The following CSMD3 variants were observed in gnomAD, a reference collection of about 807,000 sequenced individuals.
CSMD3 encodes the protein CUB and sushi domain-containing protein 3.
In CSMD3, 177 loss-of-function variants were observed where a neutral mutation model predicts 435.2. The observed-to-expected ratio is 0.41, with a 90% CI of 0.36 to 0.46. The LOEUF is 0.46. Ranked by LOEUF, CSMD3 falls within the 20% of genes least tolerant of loss-of-function variation. The pLI is 0.34. For synonymous variants in CSMD3, 1,656 were observed against 1,520.5 expected, an observed-to-expected ratio of 1.09 and a Z score of -2.07; for missense variants, 4,265 against 4,504.6, an observed-to-expected ratio of 0.95 and a Z score of 1.52.
rs76806598 is a variant in CSMD3 at position 112,950,864 on chromosome 8, G to A, written c.1421-2987C>T. ...ACTACAATTCAAAACACTTTTCCAA[G>A]CATTTTACCTTAAAATGCAGAGCAT... On this transcript the variant is annotated intron_variant, in intron 8 of 70. Transcript: ENST00000297405. Among the ~76,000 whole-genome samples the A allele has an allele frequency of 6.7e-3, 1,012 of 151,978 alleles. 12 individuals carry two copies. The highest frequency in any genetic ancestry group is 0.023 in the African/African-American group (970 of 41,514).
intron 12 of CSMD3, among the ~76,000 whole-genome samples, chr8:112,806,191 T>C (rs1336639133): frequency 6.6e-6 from 1 of 152,238 alleles, no homozygotes; most frequent in African/African-American, 2.4e-5. Context: ...TCCTTTTATT[T>C]GGTCAGTAGA....
chr8:112,415,351 G>T (rs1026020642), intron 32 of CSMD3, among the ~76,000 whole-genome samples: 3 of 152,238 alleles, frequency 2.0e-5, no homozygotes, highest in Non-Finnish European at 4.4e-5. Context: ...CTTTCACACG[G>T]TGTTGAGCCT....
intron 9 of CSMD3, among the ~76,000 whole-genome samples, chr8:112,942,110 C>T (rs979963385): frequency 1.2e-4 from 18 of 151,416 alleles, no homozygotes; most frequent in African/African-American, 4.1e-4. Flanking sequence ...TCCCTCACTT[C>T]ATCCCCCTGA....
At chr8:112,291,083 T>C (rs1819719643) in intron 56 of CSMD3, among the ~76,000 whole-genome samples, 1 of 152,018 alleles carries the variant, frequency 6.6e-6, no homozygotes, top group Non-Finnish European at 1.5e-5. Context: ...ATGACAAATA[T>C]TTAAGGTCAA....
At chr8:112,542,674 G>A (rs1311145543) in intron 27 of CSMD3, among the ~76,000 whole-genome samples, 1 of 151,720 alleles carries the variant, frequency 6.6e-6, no homozygotes, top group Non-Finnish European at 1.5e-5. Flanking sequence ...CAAACAAATG[G>A]AAGAACAGCC....
intron 38 of CSMD3, among the ~76,000 whole-genome samples, chr8:112,367,294 G>A (rs573568041): frequency 6.6e-6 from 1 of 152,084 alleles, no homozygotes; most frequent in Admixed American, 6.5e-5. Context: ...AAATACTTTT[G>A]GTTCCTAGAT....
At chr8:113,336,683 G>C (rs1588544729) in intron 1 of CSMD3, among the ~76,000 whole-genome samples, 1 of 152,058 alleles carries the variant, frequency 6.6e-6, no homozygotes, top group African/African-American at 2.4e-5. Context: ...GAGTCACATT[G>C]TTGTAATTGG....
chr8:112,902,442 A>C (rs2130449550), intron 10 of CSMD3, among the ~76,000 whole-genome samples: 1 of 151,370 alleles, frequency 6.6e-6, no homozygotes, highest in Middle Eastern at 3.4e-3. Flanking sequence ...GTTTTAAAAA[A>C]TGGCAGCTTT....
At chr8:113,249,032 T>C (rs2093308917) in intron 3 of CSMD3, among the ~76,000 whole-genome samples, 1 of 152,052 alleles carries the variant, frequency 6.6e-6, no homozygotes, top group Admixed American at 6.6e-5. Flanking sequence ...CAGATAGACA[T>C]AAATGAGTCA....
At chr8:112,682,156 A>G (rs1396801407) in intron 16 of CSMD3, among the ~76,000 whole-genome samples, 1 of 152,118 alleles carries the variant, frequency 6.6e-6, no homozygotes, top group African/African-American at 2.4e-5. Flanking sequence ...ACTAGGAAGT[A>G]TACTATAGAG....
At chr8:112,251,992 A>T (rs1431818130) in intron 63 of CSMD3, among the ~76,000 whole-genome samples, 4 of 151,936 alleles carry the variant, frequency 2.6e-5, no homozygotes, top group Non-Finnish European at 5.9e-5. Context: ...TCTAGCAATG[A>T]GTAATATATT....
chr8:112,650,090 C>T, intron 19 of CSMD3, 71 bp downstream of exon 19: 1 of 1,068,760 alleles, frequency 9.4e-7, no homozygotes, highest in Non-Finnish European at 1.5e-6. Context: ...TATGTTAAAC[C>T]CCATATAAAA....
At chr8:112,938,178 T>C (rs112594238) in intron 9 of CSMD3, among the ~76,000 whole-genome samples, 5,138 of 152,294 alleles carry the variant, frequency 0.034, 148 homozygotes, top group Non-Finnish European at 0.048. Context: ...AACATAAGGA[T>C]GAATTTTGCC....
chr8:113,128,688 T>A (rs961525151), intron 4 of CSMD3, among the ~76,000 whole-genome samples: 1 of 152,080 alleles, frequency 6.6e-6, no homozygotes, highest in Non-Finnish European at 1.5e-5. Context: ...GCTTCCTTAT[T>A]TAAATTCCAA....
At chr8:112,415,364 G>A (rs1288146967) in intron 32 of CSMD3, among the ~76,000 whole-genome samples, 1 of 152,190 alleles carries the variant, frequency 6.6e-6, no homozygotes, top group Non-Finnish European at 1.5e-5. Context: ...TTGAGCCTGT[G>A]GGTGCACAGA....
At chr8:112,560,156 TCTAAGTA>T (rs1420533109) in intron 24 of CSMD3, among the ~76,000 whole-genome samples, 2 of 151,906 alleles carry the variant, frequency 1.3e-5, no homozygotes, top group African/African-American at 2.4e-5. Context: ...CTTGTATAGT[TCTAAGTA>T]CTAAGTTTAT....
chr8:112,624,851 C>T (rs576904892), intron 22 of CSMD3, among the ~76,000 whole-genome samples: 1 of 152,000 alleles, frequency 6.6e-6, no homozygotes, highest in South Asian at 2.1e-4. Flanking sequence ...TTTTGACAAG[C>T]CAGACTCACA....
intron 61 of CSMD3, 21 bp from the exon 62 acceptor site, chr8:112,255,448 G>A (rs765628335): frequency 1.1e-5 from 18 of 1,611,350 alleles, no homozygotes; most frequent in South Asian, 7.7e-5. Flanking sequence ...AAAGAAAGAC[G>A]CTTATATCAA....
At chr8:113,301,734 T>A (rs2093769899) in intron 2 of CSMD3, among the ~76,000 whole-genome samples, 1 of 152,028 alleles carries the variant, frequency 6.6e-6, no homozygotes. Flanking sequence ...ATATATATTT[T>A]TATGTTGATA....
Sources: allele counts gnomAD v4.1 joint callset (sites outside exome capture counted in the v4.1 genomes callset), GRCh38; gene constraint gnomAD v4.1.1; transcripts MANE v1.5; gene names NCBI Gene and HGNC (gene_info 2026-07-23, HGNC 2026-07-21).